Variants in GPHN observed in about 807,000 individuals in gnomAD.
The protein encoded by GPHN is gephyrin.
A neutral mutation model predicts 95.5 loss-of-function variants in GPHN; 17 were observed. The ratio of observed to expected loss-of-function variants is 0.18; its 90% confidence interval spans 0.12 to 0.27. The LOEUF is 0.27. Among genes scored for constraint, GPHN ranks in the 10% least tolerant of loss-of-function variants. The pLI is 1.00. For synonymous variants in GPHN, 320 were observed against 322.5 expected (o/e 0.99, Z 0.08); for missense variants, 660 against 978.1 (o/e 0.67, Z 4.34).
chr14:66,786,427 T>C (rs1384489746), intron 3 of GPHN, among the ~76,000 whole-genome samples: 1 of 152,064 alleles, frequency 6.6e-6, no homozygotes, highest in African/African-American at 2.4e-5. Context: ...CTCAGGACTT[T>C]CTTTTTGGTT....
chr14:66,996,133 CT>C, intron 9 of GPHN: 2 of 1,426,454 alleles, frequency 1.4e-6, no homozygotes, highest in Non-Finnish European at 9.5e-7. Context: ...CTATGCTATC[CT>C]TTCCTCTTTA....
At chr14:66,868,104 A>C (rs1241626176) in intron 4 of GPHN, among the ~76,000 whole-genome samples, 1 of 152,196 alleles carries the variant, frequency 6.6e-6, no homozygotes. Context: ...TTGATAACTT[A>C]ACAAAGTTAT....
the GPHN span, among the ~76,000 whole-genome samples, chr14:67,405,514 A>G: frequency 2.6e-5 from 4 of 152,310 alleles, no homozygotes. Context: ...TCCAGGACAG[A>G]TGACTGGCAT....
In GPHN at chr14:67,127,514, C is replaced by T. The variant is rs77403333; in HGVS notation, c.1748+5137C>T. 6.8e-4 allele frequency among the ~76,000 whole-genome samples: 103 copies of T among 152,208 alleles called. 1 individual carries two copies. In the East Asian group the frequency reaches 0.02, roughly 29 times the overall value. ...TCACCAGGAAGTATTGATTGTGTAC[C>T]TGTGAGTCGTCTGGAGATCTTATTG... On this transcript the variant is annotated intron_variant, in intron 17 of 22. Coordinates refer to ENST00000478722, the MANE Select transcript of GPHN (RefSeq NM_020806.5).
At chr14:67,729,372 G>C in the GPHN span, 3 of 1,597,562 alleles carry the variant, frequency 1.9e-6, no homozygotes, top group Non-Finnish European at 2.5e-6. Flanking sequence ...TGAGTGGCAA[G>C]TACTTCAGGT....
chr14:67,696,821 A>G, the GPHN span, among the ~76,000 whole-genome samples: 2 of 152,198 alleles, frequency 1.3e-5, no homozygotes, highest in African/African-American at 4.8e-5. Flanking sequence ...GTACCCAGTA[A>G]TATTTTCTGG....
the GPHN span, among the ~76,000 whole-genome samples, chr14:67,595,262 ATACT>A: frequency 1.3e-5 from 2 of 152,362 alleles, no homozygotes; most frequent in Admixed American, 6.5e-5. Flanking sequence ...ATTCAATGCT[ATACT>A]TAAAGTGAAA....
the GPHN span, among the ~76,000 whole-genome samples, chr14:67,356,471 G>A: frequency 6.6e-6 from 1 of 151,306 alleles, no homozygotes; most frequent in Non-Finnish European, 1.5e-5. Flanking sequence ...ACACCATTTG[G>A]CCAAATTCTT....
the GPHN span, among the ~76,000 whole-genome samples, chr14:67,431,946 A>G: frequency 6.6e-6 from 1 of 152,182 alleles, no homozygotes; most frequent in Admixed American, 6.5e-5. Flanking sequence ...AAAAGCAAAC[A>G]TCTTTATTTA....
chr14:66,585,466 T>G (rs2061382112), intron 1 of GPHN, among the ~76,000 whole-genome samples: 1 of 152,240 alleles, frequency 6.6e-6, no homozygotes, highest in Non-Finnish European at 1.5e-5. Context: ...CTCTAGGTCT[T>G]TTAATTGTGA....
chr14:66,727,943 A>T (rs1432081582), intron 2 of GPHN, among the ~76,000 whole-genome samples: 1 of 152,172 alleles, frequency 6.6e-6, no homozygotes, highest in African/African-American at 2.4e-5. Context: ...AGCCCCTTTC[A>T]TCACAGGCCC....
At chr14:66,636,519 A>G (rs533769478) in intron 1 of GPHN, among the ~76,000 whole-genome samples, 2 of 152,098 alleles carry the variant, frequency 1.3e-5, no homozygotes, top group Non-Finnish European at 2.9e-5. Flanking sequence ...ATAAAAAACT[A>G]TAGTTGAGTT....
the GPHN span, among the ~76,000 whole-genome samples, chr14:67,402,687 T>C: frequency 6.6e-6 from 1 of 152,252 alleles, no homozygotes; most frequent in Admixed American, 6.5e-5. Flanking sequence ...CATTTGTCTC[T>C]CTGTGCCTGG....
intron 17 of GPHN, among the ~76,000 whole-genome samples, chr14:67,139,118 G>A (rs529129602): frequency 6.6e-6 from 1 of 151,688 alleles, no homozygotes; most frequent in East Asian, 1.9e-4. Context: ...AGATGCTTGA[G>A]AGGCTGAGAC....
Position 67,161,153 on chromosome 14 carries a change from C to T in GPHN, c.1910+1665C>T, listed in dbSNP as rs552987039. ...ATAAAAAATACAAAAATTAGCCGGG[C>T]GTTGGTGGCTTGTGCCTCTAGTCCC... On this transcript the variant is annotated intron_variant, in intron 19 of 22. Coordinates refer to ENST00000478722, the MANE Select transcript of GPHN (RefSeq NM_020806.5). 6.6e-5 allele frequency among the ~76,000 whole-genome samples: 10 copies of T among 152,140 alleles called. 2 individuals carry two copies. The highest frequency in any genetic ancestry group is 2.2e-4 in the African/African-American group (9 of 41,510).
chr14:66,561,260 T>A (rs2060228002), intron 1 of GPHN, among the ~76,000 whole-genome samples: 1 of 152,216 alleles, frequency 6.6e-6, no homozygotes, highest in Non-Finnish European at 1.5e-5. Context: ...CCTCATAAAA[T>A]GAGGTAGGGA....
the GPHN span, chr14:67,301,514 C>A: frequency 7.1e-7 from 1 of 1,404,884 alleles, no homozygotes; most frequent in South Asian, 1.3e-5. Context: ...CAGCATTCTT[C>A]TATTTTTTTA....
chr14:67,074,714 A>G (rs1567295609), intron 11 of GPHN, among the ~76,000 whole-genome samples: 1 of 152,188 alleles, frequency 6.6e-6, no homozygotes, highest in African/African-American at 2.4e-5. Flanking sequence ...ATGCAAAGGA[A>G]AAGTTCTTTA....
the GPHN span, chr14:67,272,032 T>C: frequency 6.6e-6 from 1 of 150,830 alleles, no homozygotes; most frequent in South Asian, 2.1e-4. Flanking sequence ...GATCGTGCCA[T>C]TGCACTCAAA....
Sources: allele counts gnomAD v4.1 joint callset (sites outside exome capture counted in the v4.1 genomes callset), GRCh38; gene constraint gnomAD v4.1.1; transcripts MANE v1.5; gene names NCBI Gene and HGNC (gene_info 2026-07-23, HGNC 2026-07-21).